STAM: variants seen among roughly 807,000 people sequenced by gnomAD.
The protein encoded by STAM is signal transducing adaptor molecule.
In STAM, 16 loss-of-function variants were observed where a neutral mutation model predicts 63.4. The ratio of observed to expected loss-of-function variants is 0.25; its 90% CI spans 0.17 to 0.38. The LOEUF (loss-of-function observed/expected upper bound fraction) is 0.38, where lower values mean the gene tolerates loss of function less well. Among genes scored for constraint, STAM ranks in the 10% least tolerant of loss-of-function variants. The pLI is 1.00. For synonymous variants in STAM, 238 were observed against 223.9 expected, an observed-to-expected ratio of 1.06 and a Z score of -0.56; for missense variants, 636 against 657.1, an observed-to-expected ratio of 0.97 and a Z score of 0.35.
Position 17,716,024 on chromosome 10 carries a change from T to C in STAM, c.*1244T>C, listed in dbSNP as rs1385668544. The C allele has an allele frequency of 6.6e-6, 1 of 152,562 alleles. No homozygotes were observed. The highest frequency in any genetic ancestry group is 2.4e-5 in the African/African-American group (1 of 41,460). 9.5% of individuals were successfully genotyped at this position (152,562 alleles called of 1,614,324 possible). On this transcript the variant is annotated 3_prime_UTR_variant, in exon 14 of 14. Transcript: ENST00000377524. ...TTCTAATGGAATTATTTTGGCTTCT[T>C]ACTTGGGAATATTTTCAAATGAATG...
chr10:17,704,082 C>T (rs1836142914), intron 9 of STAM, among the ~76,000 whole-genome samples: 1 of 152,174 alleles, frequency 6.6e-6, no homozygotes, highest in South Asian at 2.1e-4. Context: ...TCTCTGTTAG[C>T]AGTTGGTTGG....
At position 17,696,887 on chromosome 10, in the gene STAM, T is replaced by C. The variant is rs782771469; in HGVS notation, c.823+18T>C. 13 of 1,569,198 alleles carry C rather than the reference T, an allele frequency of 8.3e-6. No homozygotes were observed. In the African/African-American group the frequency reaches 1.4e-4, roughly 16 times the overall value. ...AGAAATGAGTAAGTATTTTCCAGCC[T>C]GCCAATAAATGATGTTTTCTAATCC... On this transcript the variant is annotated intron_variant, in intron 8 of 13. Coordinates refer to ENST00000377524, the MANE Select transcript of STAM (RefSeq NM_003473.4).
intron 13 of STAM, 64 bp downstream of exon 13, chr10:17,709,015 T>G: frequency 6.6e-7 from 1 of 1,526,546 alleles, no homozygotes; most frequent in South Asian, 1.2e-5. Context: ...TGCCCCCAGT[T>G]ATCTATAACT....
chr10:17,673,756 A>G (rs576001240), intron 2 of STAM, among the ~76,000 whole-genome samples: 2 of 152,380 alleles, frequency 1.3e-5, no homozygotes, highest in African/African-American at 4.8e-5. Flanking sequence ...CTGGAGTCAG[A>G]TTGTCTGCTT....
chr10:17,667,507 A>T (rs547940930), intron 2 of STAM, among the ~76,000 whole-genome samples: 10 of 152,262 alleles, frequency 6.6e-5, no homozygotes, highest in African/African-American at 9.6e-5. Flanking sequence ...AATTCGTTTC[A>T]TTCTCTTTGC....
chr10:17,678,558 G>A lies in STAM; in HGVS notation c.126-6117G>A, dbSNP rs570731921. Among the ~76,000 whole-genome samples the A allele has an allele frequency of 7.4e-4, 112 of 152,248 alleles. 2 individuals carry two copies. The highest frequency in any genetic ancestry group is 2.6e-3 in the African/African-American group (110 of 41,570). ...CGTGAGTCACCACGCCCAACCTCAT[G>A]TAGTGTAATTCTTCTGAGGTTCGTT... On this transcript the variant is annotated intron_variant, in intron 2 of 13. Coordinates refer to ENST00000377524, the MANE Select transcript of STAM (RefSeq NM_003473.4).
At chr10:17,710,902 G>T (rs1836524683) in intron 13 of STAM, among the ~76,000 whole-genome samples, 2 of 152,150 alleles carry the variant, frequency 1.3e-5, no homozygotes, top group African/African-American at 4.8e-5. Context: ...ATATATAAAG[G>T]TACAATATGT....
At chr10:17,704,920 A>ATT in intron 10 of STAM, 50 bp from the exon 11 acceptor site, 1 of 1,424,688 alleles carries the variant, frequency 7.0e-7, no homozygotes, top group South Asian at 1.2e-5. Context: ...AAAGGTTCAC[A>ATT]TTTTTTTTTC....
chr10:17,692,258 T>G (rs1835571594), intron 5 of STAM, among the ~76,000 whole-genome samples: 1 of 152,176 alleles, frequency 6.6e-6, no homozygotes, highest in Non-Finnish European at 1.5e-5. Context: ...CAGTACCTTG[T>G]TTAAAGGTGT....
chr10:17,710,607 G>A (rs1024424959), intron 13 of STAM, among the ~76,000 whole-genome samples: 6 of 152,144 alleles, frequency 3.9e-5, no homozygotes, highest in Admixed American at 1.3e-4. Flanking sequence ...CCTGTGTGCT[G>A]TCAGAGGACT....
chr10:17,678,187 G>T (rs1376658778), intron 2 of STAM, among the ~76,000 whole-genome samples: 2 of 152,014 alleles, frequency 1.3e-5, no homozygotes, highest in African/African-American at 4.8e-5. Flanking sequence ...GGATTTGCCT[G>T]TTGTAGACAT....
At chr10:17,676,687 C>G (rs1834869962) in intron 2 of STAM, among the ~76,000 whole-genome samples, 2 of 152,100 alleles carry the variant, frequency 1.3e-5, no homozygotes, top group South Asian at 4.1e-4. Context: ...TCTGTTATGT[C>G]CAGTTAACAC....
In STAM at chr10:17,644,163, C is replaced by G. The variant is rs1484215057; in HGVS notation, c.-177C>G. On this transcript the variant is annotated 5_prime_UTR_variant, in exon 1 of 14. Transcript: ENST00000377524. ...GGCTTCCTCGGCTCCTTGCTGTTGC[C>G]GCCGCCGCAGCTGCTGCCGCGGTTG... 3.0e-6 allele frequency: 2 copies of G among 662,104 alleles called. No homozygotes were observed. The highest frequency in any genetic ancestry group is 5.3e-6 in the Non-Finnish European group (2 of 377,686). 41.0% of individuals were successfully genotyped at this position (662,104 alleles called of 1,614,324 possible).
chr10:17,646,360 C>T (rs919815314), intron 1 of STAM, among the ~76,000 whole-genome samples: 6 of 152,124 alleles, frequency 3.9e-5, no homozygotes, highest in Non-Finnish European at 8.8e-5. Flanking sequence ...TGCTAAATGC[C>T]CCCTGGAAGG....
intron 2 of STAM, among the ~76,000 whole-genome samples, chr10:17,679,867 G>T (rs1266229278): frequency 6.6e-6 from 1 of 151,256 alleles, no homozygotes; most frequent in African/African-American, 2.4e-5. Flanking sequence ...CCAATTTGTT[G>T]GCATAAAGTT....
chr10:17,684,705 A>G lies in STAM; in HGVS notation c.156A>G (p.Arg52=). Reference sequence around the variant, plus strand: ...AGGATTGTCTTCGGTCTATTATGAGAAGAGTGAACCACAAAGATCCTCACG... The same window carrying G: ...AGGATTGTCTTCGGTCTATTATGAGGAGAGTGAACCACAAAGATCCTCACG... ...GPKDCLRSIM[R]RVNHKDPHVA... is the part of the protein sequence containing the mutation. The change falls in exon 3 of 14, where the codon AGA becomes AGG. Residue 52 remains arginine (R), a synonymous_variant. Transcript: ENST00000377524. The G allele has an allele frequency of 6.2e-7, 1 of 1,613,986 alleles. No individual in the cohort carries two copies. The highest frequency in any genetic ancestry group is 8.5e-7 in the Non-Finnish European group (1 of 1,179,966).
chr10:17,646,265 G>A (rs542517933), intron 1 of STAM, among the ~76,000 whole-genome samples: 2 of 152,008 alleles, frequency 1.3e-5, no homozygotes, highest in Non-Finnish European at 2.9e-5. Flanking sequence ...TGCAATGTAG[G>A]GTGTTCAGCC....
chr10:17,695,530 T>A (rs940980835), intron 7 of STAM, among the ~76,000 whole-genome samples: 3 of 152,206 alleles, frequency 2.0e-5, no homozygotes, highest in Non-Finnish European at 4.4e-5. Flanking sequence ...TTTAAAAGGT[T>A]ACAGTTTTAG....
chr10:17,693,135 G>C, intron 5 of STAM, 87 bp from the exon 6 acceptor site: 1 of 1,115,270 alleles, frequency 9.0e-7, no homozygotes, highest in Non-Finnish European at 1.3e-6. Flanking sequence ...CTAGATTGAT[G>C]AGAAAGGTTT....
Sources: gnomAD v4.1 joint callset for allele counts (sites outside exome capture counted in the v4.1 genomes callset) on GRCh38, gnomAD v4.1.1 for gene constraint, MANE v1.5 for transcripts, NCBI Gene and HGNC (gene_info 2026-07-23, HGNC 2026-07-21) for gene names.